CHD6: variants seen among roughly 807,000 people sequenced by gnomAD.
The protein encoded by CHD6 is chromodomain helicase DNA binding protein 6.
Under a neutral mutation model 276.9 loss-of-function variants are expected in CHD6, and 50 were observed. The ratio of observed to expected loss-of-function variants is 0.18; its 90% CI spans 0.14 to 0.23. The LOEUF (loss-of-function observed/expected upper bound fraction) is 0.23, where lower values mean the gene tolerates loss of function less well. Among genes scored for constraint, CHD6 ranks in the 10% least tolerant of loss-of-function variants. CHD6 has a pLI of 1.00. For missense variants in CHD6, 2,564 were observed against 3,365.8 expected (o/e 0.76, Z 5.89); for synonymous variants, 1,173 against 1,229.3 (o/e 0.95, Z 0.96).
chr20:41,446,804 G>C (rs1361890906), intron 24 of CHD6, among the ~76,000 whole-genome samples: 1 of 152,206 alleles, frequency 6.6e-6, no homozygotes, highest in Admixed American at 6.5e-5. Flanking sequence ...AAGAGCAGCA[G>C]TAAGAGACAG....
chr20:41,469,452 A>C (rs1204764441), intron 17 of CHD6, among the ~76,000 whole-genome samples: 1 of 152,214 alleles, frequency 6.6e-6, no homozygotes, highest in East Asian at 1.9e-4. Context: ...TGTTATTCCC[A>C]AGAGGTCTGC....
rs148537632 is a variant in CHD6 at position 41,407,555 on chromosome 20, T to C, written c.7252-2066A>G. 4.2e-3 allele frequency among the ~76,000 whole-genome samples: 633 copies of C among 152,386 alleles called. 5 individuals carry two copies. Among genetic ancestry groups the C allele is most frequent in the African/African-American group, 0.014 (589 of 41,588 alleles). On this transcript the variant is annotated intron_variant, in intron 36 of 36. Transcript: ENST00000373233. ...TTTGGCAGCCCAGGCATTTCCCATT[T>C]TTCCCACTGCCTCTCTTCTCCATAA...
chr20:41,613,868 C>T (rs1190097882), intron 1 of CHD6, among the ~76,000 whole-genome samples: 1 of 152,012 alleles, frequency 6.6e-6, no homozygotes, highest in Non-Finnish European at 1.5e-5. Context: ...GTTCACAGAC[C>T]AGCCAAAGAC....
At chr20:41,466,628 C>T (rs145911917) in intron 17 of CHD6, among the ~76,000 whole-genome samples, 8 of 152,258 alleles carry the variant, frequency 5.3e-5, no homozygotes, top group South Asian at 2.1e-4. Context: ...TAATCTTATA[C>T]GGCCCTTAAG....
chr20:41,545,520 C>T (rs781112625), intron 2 of CHD6, among the ~76,000 whole-genome samples: 8 of 152,028 alleles, frequency 5.3e-5, no homozygotes, highest in Non-Finnish European at 8.8e-5. Context: ...TCTTCAGACC[C>T]TCTGCAGGAT....
chr20:41,421,479 G>C lies in CHD6; in HGVS notation c.5156C>G (p.Ser1719Cys). 6.2e-7 allele frequency: 1 copy of C among 1,613,956 alleles called. No individual in the cohort carries two copies. Among genetic ancestry groups the C allele is most frequent in the Non-Finnish European group, 8.5e-7 (1 of 1,179,960 alleles). Residue 1719 changes from serine to cysteine, a missense_variant, in exon 31 of 37, where the codon TCT becomes TGT. Physicochemically the swap from Ser to Cys is moderately radical, Grantham distance 112 (BLOSUM62 -1). Coordinates refer to ENST00000373233, the MANE Select transcript of CHD6 (RefSeq NM_032221.5). ...ATTGGTACTTGGGCTCTCCTGAAAA[G>C]AGCTTGGTTCTTGGCTGAGCACCTT... ...GKKVLSQEPS[S>C]FQESPSTNTE...
chr20:41,575,046 T>C (rs867911602), intron 1 of CHD6, among the ~76,000 whole-genome samples: 1 of 152,206 alleles, frequency 6.6e-6, no homozygotes, highest in Non-Finnish European at 1.5e-5. Flanking sequence ...GGTGTTTGCA[T>C]AGGAATGTGA....
intron 1 of CHD6, among the ~76,000 whole-genome samples, chr20:41,552,441 T>G (rs1456168553): frequency 1.3e-5 from 2 of 152,228 alleles, no homozygotes; most frequent in African/African-American, 2.4e-5. Flanking sequence ...TTTGAGGTGG[T>G]AGATATGTTA....
At chr20:41,447,286 G>A (rs1010814461) in intron 24 of CHD6, among the ~76,000 whole-genome samples, 3 of 152,184 alleles carry the variant, frequency 2.0e-5, no homozygotes, top group African/African-American at 7.2e-5. Context: ...GGTGTGCACA[G>A]GGCTAGCAAA....
In CHD6 at chr20:41,581,755, T is replaced by C. The variant is rs190758021; in HGVS notation, c.-23-30395A>G. ...AAAAAGTAAATCTACTAGTACCTTC[T>C]TCTAAAATCCATTAGTCACATTAAA... On this transcript the variant is annotated intron_variant, in intron 1 of 36. Transcript: ENST00000373233. Among the ~76,000 whole-genome samples, 5 of 152,308 alleles carry C rather than the reference T, an allele frequency of 3.3e-5. No homozygotes were observed. The East Asian group carries it at 9.6e-4, about 29-fold the overall frequency.
intron 27 of CHD6, among the ~76,000 whole-genome samples, chr20:41,430,238 A>G (rs968371520): frequency 6.6e-6 from 1 of 152,240 alleles, no homozygotes; most frequent in African/African-American, 2.4e-5. Flanking sequence ...ACTGCTTTTA[A>G]TGATATTCTA....
chr20:41,525,682 AT>A (rs2044514327), intron 3 of CHD6, among the ~76,000 whole-genome samples: 1 of 152,204 alleles, frequency 6.6e-6, no homozygotes, highest in African/African-American at 2.4e-5. Context: ...TAAAAAGAAC[AT>A]TTGTTTAAAT....
intron 1 of CHD6, among the ~76,000 whole-genome samples, chr20:41,566,181 C>CT (rs1485787260): frequency 6.6e-6 from 1 of 152,166 alleles, no homozygotes; most frequent in Admixed American, 6.5e-5. Flanking sequence ...TCAGATGACT[C>CT]TAATAGGCAG....
At chr20:41,506,197 T>TA (rs1211636772) in intron 5 of CHD6, among the ~76,000 whole-genome samples, 1 of 152,206 alleles carries the variant, frequency 6.6e-6, no homozygotes, top group Non-Finnish European at 1.5e-5. Context: ...CTTGCCCCAC[T>TA]AGTCTATTCA....
intron 1 of CHD6, among the ~76,000 whole-genome samples, chr20:41,578,557 A>G (rs2903377): frequency 0.4 from 60,268 of 151,724 alleles, 14,407 homozygotes; most frequent in African/African-American, 0.66. Flanking sequence ...GCAGGCGCCT[A>G]TAATCCCAGC....
intron 1 of CHD6, among the ~76,000 whole-genome samples, chr20:41,584,526 T>C (rs1214687509): frequency 1.3e-5 from 2 of 152,152 alleles, no homozygotes; most frequent in Non-Finnish European, 2.9e-5. Context: ...AGAATATACA[T>C]TCTTTTCAAG....
intron 1 of CHD6, among the ~76,000 whole-genome samples, chr20:41,555,827 G>A (rs1372199281): frequency 5.3e-5 from 8 of 152,078 alleles, no homozygotes; most frequent in African/African-American, 9.6e-5. Flanking sequence ...AGGCAGAGAC[G>A]CTCCTCACTT....
At position 41,402,685 on chromosome 20, in the gene CHD6, C is replaced by A. The variant is rs1168372173; in HGVS notation, c.*1908G>T. 5 of 214,642 alleles carry A rather than the reference C, an allele frequency of 2.3e-5. No individual in the cohort carries two copies. The highest frequency in any genetic ancestry group is 9.0e-5 in the African/African-American group (4 of 44,206). 13.3% of individuals were successfully genotyped at this position (214,642 alleles called of 1,614,324 possible). On this transcript the variant is annotated 3_prime_UTR_variant, in exon 37 of 37. Transcript: ENST00000373233. Reference sequence around the variant, plus strand: ...AAAGAAAATTAGTACTTAAAAGGTTCAAAAATATATTGATTGAGTTATTTT... The same window carrying A: ...AAAGAAAATTAGTACTTAAAAGGTTAAAAAATATATTGATTGAGTTATTTT...
chr20:41,402,282 T>C lies in CHD6; in HGVS notation c.*2311A>G, dbSNP rs1437264368. On this transcript the variant is annotated 3_prime_UTR_variant, in exon 37 of 37. Coordinates refer to ENST00000373233, the MANE Select transcript of CHD6 (RefSeq NM_032221.5). The stretch of plus-strand genomic sequence containing the variant: ...CGTCAAAATAATCATAAGAAGCACT[T>C]GTGCCTTACAGAGCAAATAATCCAC... 1 of 224,484 alleles carries C rather than the reference T, an allele frequency of 4.5e-6. No homozygotes were observed. Among genetic ancestry groups the C allele is most frequent in the Non-Finnish European group, 8.9e-6 (1 of 112,616 alleles). 13.9% of individuals were successfully genotyped at this position (224,484 alleles called of 1,614,324 possible).
Sources: allele counts gnomAD v4.1 joint callset (sites outside exome capture counted in the v4.1 genomes callset), GRCh38; gene constraint gnomAD v4.1.1; transcripts MANE v1.5; gene names NCBI Gene and HGNC (gene_info 2026-07-23, HGNC 2026-07-21).